The following ARL8B variants were observed in gnomAD, a reference collection of about 807,000 sequenced individuals.
ARL8B encodes ADP-ribosylation factor-like protein 8B.
A neutral mutation model predicts 30.6 loss-of-function variants in ARL8B; 9 were observed. The ratio of observed to expected loss-of-function variants is 0.29; its 90% CI spans 0.18 to 0.51. ARL8B has a LOEUF of 0.51. Among genes scored for constraint, ARL8B ranks in the 20% least tolerant of loss-of-function variants. The pLI, the probability that ARL8B is intolerant of heterozygous loss-of-function variation, is 0.97. For synonymous variants in ARL8B, 74 were observed against 76.0 expected (o/e 0.97, Z 0.14); for missense variants, 130 against 227.2 (o/e 0.57, Z 2.75).
At chr3:5,164,094 C>T (rs1427347091) in intron 1 of ARL8B, among the ~76,000 whole-genome samples, 4 of 152,136 alleles carry the variant, frequency 2.6e-5, no homozygotes, top group African/African-American at 9.7e-5. Flanking sequence ...AGTTGTTCCC[C>T]ACCCCCTATA....
intron 1 of ARL8B, among the ~76,000 whole-genome samples, chr3:5,124,108 A>T (rs2054207931): frequency 6.6e-6 from 1 of 152,002 alleles, no homozygotes; most frequent in African/African-American, 2.4e-5. Flanking sequence ...ACCTCATGTG[A>T]TCCGCCCGAC....
At chr3:5,155,680 C>G (rs545313242) in intron 1 of ARL8B, among the ~76,000 whole-genome samples, 1 of 148,244 alleles carries the variant, frequency 6.7e-6, no homozygotes, top group Non-Finnish European at 1.5e-5. Context: ...CCCCCACCCC[C>G]GCCTGGTCAA....
chr3:5,174,925 C>G (rs1258582599), intron 6 of ARL8B, among the ~76,000 whole-genome samples: 1 of 151,798 alleles, frequency 6.6e-6, no homozygotes, highest in Non-Finnish European at 1.5e-5. Flanking sequence ...GCCTCAGCCT[C>G]CTGAGTAGCT....
intron 1 of ARL8B, among the ~76,000 whole-genome samples, chr3:5,137,067 A>G (rs1227261222): frequency 2.0e-5 from 3 of 152,120 alleles, no homozygotes; most frequent in Non-Finnish European, 4.4e-5. Flanking sequence ...AGTATAGGGT[A>G]ATGTTTAAGT....
intron 1 of ARL8B, among the ~76,000 whole-genome samples, chr3:5,160,914 GT>G (rs1330045663): frequency 6.6e-6 from 1 of 152,126 alleles, no homozygotes; most frequent in Non-Finnish European, 1.5e-5. Flanking sequence ...TGCCACTAGT[GT>G]TTTTTTGAGA....
chr3:5,155,257 G>C (rs114370099), intron 1 of ARL8B, among the ~76,000 whole-genome samples: 212 of 152,232 alleles, frequency 1.4e-3, no homozygotes, highest in African/African-American at 5.0e-3. Flanking sequence ...GAATTCTGAA[G>C]TTTCTGATAA....
rs4054853 is a variant in ARL8B at position 5,150,463 on chromosome 3, A to AAAATAAAT, written c.124-20016_124-20009dup. On this transcript the variant is annotated intron_variant, in intron 1 of 6. Transcript: ENST00000256496. Reference sequence around the variant, plus strand: ...TGGTGACAGAGCGAGAATCCATGTCAAAATAAATAAATAAATAAATAAATA... The same window carrying AAAATAAAT: ...TGGTGACAGAGCGAGAATCCATGTCAAAATAAATAAATAAATAAATAAATAAATAAATA... Among the ~76,000 whole-genome samples the AAAATAAAT allele has an allele frequency of 1.2e-3, 178 of 146,036 alleles. 1 individual carries two copies. The highest frequency in any genetic ancestry group is 5.2e-3 in the South Asian group (24 of 4,604).
intron 1 of ARL8B, among the ~76,000 whole-genome samples, chr3:5,151,787 C>T (rs973500540): frequency 2.9e-5 from 4 of 138,564 alleles, no homozygotes; most frequent in East Asian, 2.3e-4. Flanking sequence ...TGTGTGATCA[C>T]GGCTGGCTGC....
chr3:5,161,304 A>C (rs1055783105), intron 1 of ARL8B, among the ~76,000 whole-genome samples: 2 of 152,216 alleles, frequency 1.3e-5, no homozygotes, highest in Admixed American at 6.5e-5. Context: ...AACATCAAAA[A>C]AAGACAAAAC....
At chr3:5,149,463 G>A (rs1014874295) in intron 1 of ARL8B, among the ~76,000 whole-genome samples, 1 of 151,890 alleles carries the variant, frequency 6.6e-6, no homozygotes, top group Middle Eastern at 3.4e-3. Flanking sequence ...ACACCATCCC[G>A]TGTGTGGTAG....
chr3:5,173,991 G>A (rs1409683411), intron 4 of ARL8B, 26 bp from the exon 5 acceptor site: 2 of 1,544,552 alleles, frequency 1.3e-6, no homozygotes, highest in Admixed American at 1.7e-5. Flanking sequence ...ATAAACGTGT[G>A]CTCTTAATAT....
chr3:5,163,744 C>T (rs899056372), intron 1 of ARL8B, among the ~76,000 whole-genome samples: 2 of 152,028 alleles, frequency 1.3e-5, no homozygotes, highest in African/African-American at 2.4e-5. Context: ...GTGGCACGCG[C>T]GTGTAATCCC....
intron 1 of ARL8B, among the ~76,000 whole-genome samples, chr3:5,144,548 T>C (rs2054402474): frequency 6.6e-6 from 1 of 152,224 alleles, no homozygotes; most frequent in Non-Finnish European, 1.5e-5. Flanking sequence ...GGGGTTTACT[T>C]ATTTCTCTCC....
chr3:5,122,387 G>C lies in ARL8B; in HGVS notation c.-79G>C. ...ACCAAGGAGCCGTTGGAGGGTCCGG[G>C]CGGAGGCCCGCTCGTGTGGAAGTCG... On this transcript the variant is annotated 5_prime_UTR_variant, in exon 1 of 7. Coordinates refer to ENST00000256496, the MANE Select transcript of ARL8B (RefSeq NM_018184.3). 6.3e-7 allele frequency: 1 copy of C among 1,596,852 alleles called. No individual in the cohort carries two copies. Among genetic ancestry groups the C allele is most frequent in the African/African-American group, 1.3e-5 (1 of 74,498 alleles).
chr3:5,159,777 C>G (rs2054565717), intron 1 of ARL8B, among the ~76,000 whole-genome samples: 1 of 151,546 alleles, frequency 6.6e-6, no homozygotes, highest in South Asian at 2.1e-4. Context: ...TTTTTATGAA[C>G]AAGCAGCATT....
intron 1 of ARL8B, among the ~76,000 whole-genome samples, chr3:5,150,979 T>G (rs1253101709): frequency 1.3e-5 from 2 of 152,240 alleles, no homozygotes; most frequent in African/African-American, 4.8e-5. Flanking sequence ...TTGTTGAATT[T>G]ATGAGCATAG....
In ARL8B at chr3:5,124,326, G is replaced by C. The variant is rs1036838821; in HGVS notation, c.123+1738G>C. 5.6e-5 allele frequency among the ~76,000 whole-genome samples: 7 copies of C among 125,054 alleles called. No individual in the cohort carries two copies. In the South Asian group the frequency reaches 1.3e-3, roughly 24 times the overall value. The allele number at this position is 125,054 out of a possible 152,430, so 82.0% of individuals were successfully genotyped here. A position where few individuals can be genotyped will look rare whatever the true frequency, so the allele number is the denominator to read the frequency against. ...CTTCCTATGTTGCCAGGCCAGCCTT[G>C]AACTCCTGGGCTCAAGCGAGCCTCC... On this transcript the variant is annotated intron_variant, in intron 1 of 6. Transcript: ENST00000256496.
At chr3:5,163,872 G>A (rs2106567682) in intron 1 of ARL8B, among the ~76,000 whole-genome samples, 1 of 152,008 alleles carries the variant, frequency 6.6e-6, no homozygotes, top group Non-Finnish European at 1.5e-5. Flanking sequence ...CTCCGTCTTG[G>A]GAGAAAAAAA....
intron 1 of ARL8B, among the ~76,000 whole-genome samples, chr3:5,125,334 G>A (rs936913483): frequency 3.3e-5 from 5 of 152,150 alleles, no homozygotes; most frequent in African/African-American, 4.8e-5. Context: ...ACTGAGAAGG[G>A]ACTCAACTGG....
Sources: gnomAD v4.1 joint callset for allele counts (sites outside exome capture counted in the v4.1 genomes callset) on GRCh38, gnomAD v4.1.1 for gene constraint, MANE v1.5 for transcripts, NCBI Gene and HGNC (gene_info 2026-07-23, HGNC 2026-07-21) for gene names.